KCNJ3: variants seen among roughly 807,000 people sequenced by gnomAD.
KCNJ3 encodes potassium inwardly rectifying channel subfamily J member 3.
In KCNJ3, 4 loss-of-function variants were observed where a neutral mutation model predicts 39.2. The observed-to-expected ratio is 0.10, with a 90% CI of 0.05 to 0.23. KCNJ3 has a LOEUF of 0.23. KCNJ3 is among the 10% of genes least tolerant of loss of function. The pLI is 1.00. For missense variants in KCNJ3, 276 were observed against 634.9 expected (o/e 0.43, Z 6.08); for synonymous variants, 230 against 237.4 (o/e 0.97, Z 0.29).
chr2:154,821,035 A>G (rs1395815452), intron 2 of KCNJ3, among the ~76,000 whole-genome samples: 1 of 152,090 alleles, frequency 6.6e-6, no homozygotes, highest in Non-Finnish European at 1.5e-5. Flanking sequence ...CCTGGATATT[A>G]TACATTCAAT....
At chr2:154,797,466 A>G (rs1166863171) in intron 2 of KCNJ3, among the ~76,000 whole-genome samples, 1 of 152,178 alleles carries the variant, frequency 6.6e-6, no homozygotes, top group East Asian at 1.9e-4. Flanking sequence ...GGCAAACCCC[A>G]CTGTCTATAG....
intron 2 of KCNJ3, among the ~76,000 whole-genome samples, chr2:154,746,163 T>G (rs939274469): frequency 2.6e-5 from 4 of 152,096 alleles, no homozygotes; most frequent in Non-Finnish European, 5.9e-5. Flanking sequence ...TTTTTAATAA[T>G]ATTTTCCTTT....
intron 2 of KCNJ3, among the ~76,000 whole-genome samples, chr2:154,762,903 G>C (rs1278423809): frequency 6.6e-6 from 1 of 152,162 alleles, no homozygotes. Flanking sequence ...TAAAAAGCGG[G>C]TAGGGAGGAG....
intron 2 of KCNJ3, among the ~76,000 whole-genome samples, chr2:154,841,663 G>A (rs1379835104): frequency 1.3e-5 from 2 of 151,364 alleles, no homozygotes; most frequent in African/African-American, 4.8e-5. Flanking sequence ...GTCTTGGGAG[G>A]GTGTATGTAT....
intron 2 of KCNJ3, among the ~76,000 whole-genome samples, chr2:154,839,923 A>G (rs1480606071): frequency 6.6e-6 from 1 of 152,138 alleles, no homozygotes; most frequent in Admixed American, 6.5e-5. Flanking sequence ...TTTGCTGTGC[A>G]GAAGCTCTTT....
intron 2 of KCNJ3, among the ~76,000 whole-genome samples, chr2:154,827,200 T>C (rs956269073): frequency 1.3e-5 from 2 of 152,172 alleles, no homozygotes; most frequent in African/African-American, 4.8e-5. Context: ...TTTAATTGAC[T>C]TATATCTTTT....
chr2:154,846,255 C>T (rs748030622), intron 2 of KCNJ3, among the ~76,000 whole-genome samples: 14 of 151,984 alleles, frequency 9.2e-5, no homozygotes, highest in Non-Finnish European at 1.9e-4. Context: ...ATCAAATTGC[C>T]AGAAATTAAC....
intron 2 of KCNJ3, among the ~76,000 whole-genome samples, chr2:154,803,628 T>C (rs549570536): frequency 1.3e-5 from 2 of 152,112 alleles, no homozygotes; most frequent in South Asian, 4.1e-4. Context: ...TTCAAAAACC[T>C]AAGTTTTAAA....
intron 2 of KCNJ3, among the ~76,000 whole-genome samples, chr2:154,815,040 T>C (rs989245743): frequency 6.6e-6 from 1 of 152,238 alleles, no homozygotes; most frequent in Non-Finnish European, 1.5e-5. Context: ...GGCTTGTGTG[T>C]ATACGGTATG....
chr2:154,834,961 T>C (rs1345859764), intron 2 of KCNJ3, among the ~76,000 whole-genome samples: 1 of 151,876 alleles, frequency 6.6e-6, no homozygotes, highest in African/African-American at 2.4e-5. Flanking sequence ...ATTATAATAA[T>C]TAGAACCAAA....
chr2:154,805,011 T>A lies in KCNJ3; in HGVS notation c.920-49716T>A, dbSNP rs560848619. Among the ~76,000 whole-genome samples, 6 of 152,088 alleles carry A rather than the reference T, an allele frequency of 3.9e-5. No individual in the cohort carries two copies. In the South Asian group the frequency reaches 1.2e-3, roughly 32 times the overall value. ...ATTTCCATTATCAGATCTTAGAATA[T>A]AAGGATAAGAAACACAATGAAGGAC... On this transcript the variant is annotated intron_variant, in intron 2 of 2. Transcript: ENST00000295101.
intron 2 of KCNJ3, among the ~76,000 whole-genome samples, chr2:154,776,767 C>T (rs1686342843): frequency 6.6e-6 from 1 of 152,124 alleles, no homozygotes; most frequent in African/African-American, 2.4e-5. Context: ...ATGATTATGT[C>T]AGTACTAGAC....
At chr2:154,785,978 G>A (rs972657472) in intron 2 of KCNJ3, among the ~76,000 whole-genome samples, 7 of 152,178 alleles carry the variant, frequency 4.6e-5, no homozygotes, top group Non-Finnish European at 8.8e-5. Flanking sequence ...TGAGGTAAAT[G>A]AATTTTAAGA....
At chr2:154,736,042 AT>A (rs1222251756) in intron 2 of KCNJ3, among the ~76,000 whole-genome samples, 1 of 152,148 alleles carries the variant, frequency 6.6e-6, no homozygotes, top group Non-Finnish European at 1.5e-5. Flanking sequence ...TCTCTATTAA[AT>A]TCCTAGGCCA....
intron 2 of KCNJ3, among the ~76,000 whole-genome samples, chr2:154,748,761 T>G (rs907951244): frequency 6.6e-6 from 1 of 152,124 alleles, no homozygotes. Context: ...TTCTTTTAAG[T>G]AGAGCTGTCA....
rs1181565710 is a variant in KCNJ3 at position 154,810,811 on chromosome 2, T to C, written c.920-43916T>C. The stretch of plus-strand genomic sequence containing the variant: ...AGCTATTTCTCAGGCTAGTAAAATT[T>C]AAGAAACTGCAATGGCTAAAGACAT... On this transcript the variant is annotated intron_variant, in intron 2 of 2. Coordinates refer to ENST00000295101, the MANE Select transcript of KCNJ3 (RefSeq NM_002239.4). Among the ~76,000 whole-genome samples, 18 of 138,112 alleles carry C rather than the reference T, an allele frequency of 1.3e-4. No homozygotes were observed. The Admixed American group carries it at 1.4e-3, about 11-fold the overall frequency. 90.6% of individuals were successfully genotyped at this position (138,112 alleles called of 152,430 possible).
chr2:154,852,989 G>C (rs145438170), intron 2 of KCNJ3, among the ~76,000 whole-genome samples: 1 of 151,772 alleles, frequency 6.6e-6, no homozygotes, highest in Non-Finnish European at 1.5e-5. Context: ...AAAAACCCAC[G>C]CATAGAAATA....
chr2:154,799,458 A>G (rs1291178146), intron 2 of KCNJ3, among the ~76,000 whole-genome samples: 1 of 152,156 alleles, frequency 6.6e-6, no homozygotes, highest in African/African-American at 2.4e-5. Flanking sequence ...TCCTGATAGA[A>G]TGCTGAGGAA....
intron 2 of KCNJ3, among the ~76,000 whole-genome samples, chr2:154,753,456 G>GT (rs1267240585): frequency 1.3e-5 from 2 of 152,056 alleles, no homozygotes; most frequent in East Asian, 1.9e-4. Flanking sequence ...TAATTGTGGA[G>GT]TTTTTTCCAG....
Sources: allele counts gnomAD v4.1 joint callset (sites outside exome capture counted in the v4.1 genomes callset), GRCh38; gene constraint gnomAD v4.1.1; transcripts MANE v1.5; gene names NCBI Gene and HGNC (gene_info 2026-07-23, HGNC 2026-07-21).